ABCB5: variants seen among roughly 807,000 people sequenced by gnomAD.
ABCB5 encodes the protein ATP-binding cassette sub-family B member 5.
In ABCB5, 155 loss-of-function variants were observed where a neutral mutation model predicts 144.2. The ratio of observed to expected loss-of-function variants is 1.08; its 90% CI spans 0.94 to 1.23. The LOEUF is 1.23. Ranked by LOEUF, ABCB5 falls within the 50% of genes most tolerant of loss-of-function variation. The pLI is 0.00. For synonymous variants in ABCB5, 610 were observed against 528.6 expected, an observed-to-expected ratio of 1.15 and a Z score of -2.11; for missense variants, 1,830 against 1,520.8, an observed-to-expected ratio of 1.20 and a Z score of -3.38.
intron 16 of ABCB5, among the ~76,000 whole-genome samples, chr7:20,695,322 T>A (rs953910118): frequency 6.6e-6 from 1 of 151,360 alleles, no homozygotes; most frequent in African/African-American, 2.4e-5. Flanking sequence ...AATTAACAAT[T>A]TTTTTTTTCA....
chr7:20,623,129 G>T, intron 1 of ABCB5, 136 bp from the exon 2 acceptor site: 1 of 588,034 alleles, frequency 1.7e-6, no homozygotes, highest in African/African-American at 1.9e-5. Flanking sequence ...AATTGGAGTG[G>T]GGGGCTGGGC....
chr7:20,681,082 T>C lies in ABCB5; in HGVS notation c.1708-423T>C, dbSNP rs377284169. Among the ~76,000 whole-genome samples the C allele has an allele frequency of 3.7e-3, 35 of 9,438 alleles. 2 individuals carry two copies. The highest frequency in any genetic ancestry group is 0.017 in the African/African-American group (34 of 2,034). 6.2% of individuals were successfully genotyped at this position (9,438 alleles called of 152,430 possible). ...TCTCTTTCTTTCTTTCTTTCTTTCT[T>C]TCTTTCTTTCTTTCTTTCTTTCTTT... On this transcript the variant is annotated intron_variant, in intron 14 of 27. Transcript: ENST00000404938.
At position 20,699,953 on chromosome 7, in the gene ABCB5, G is replaced by A. The variant is rs190253667; in HGVS notation, c.2259+24G>A. The A allele has an allele frequency of 2.0e-4, 316 of 1,600,764 alleles. 1 individual carries two copies. In the Middle Eastern group the frequency reaches 2.0e-3, roughly 10 times the overall value. ...AGGTAAGCTTTTAATAAACAAGCCTGAGCATGATTACTTTTTGTTGCCATT... is the reference window on the plus strand; with the variant it reads ...AGGTAAGCTTTTAATAAACAAGCCTAAGCATGATTACTTTTTGTTGCCATT... On this transcript the variant is annotated intron_variant, in intron 18 of 27. Coordinates refer to ENST00000404938, the MANE Select transcript of ABCB5 (RefSeq NM_001163941.2).
intron 5 of ABCB5, among the ~76,000 whole-genome samples, chr7:20,633,927 T>G (rs1464038320): frequency 1.3e-5 from 2 of 152,078 alleles, no homozygotes; most frequent in South Asian, 4.1e-4. Context: ...ATGGATATAT[T>G]GCATAGTGGT....
intron 20 of ABCB5, among the ~76,000 whole-genome samples, chr7:20,705,114 T>C (rs1478649600): frequency 6.6e-6 from 1 of 152,158 alleles, no homozygotes; most frequent in Admixed American, 6.6e-5. Flanking sequence ...TAAGGAAAAG[T>C]AACGAAATGA....
chr7:20,703,501 A>T (rs1488619452), intron 19 of ABCB5, among the ~76,000 whole-genome samples: 1 of 152,322 alleles, frequency 6.6e-6, no homozygotes, highest in African/African-American at 2.4e-5. Context: ...CCTCCATAAA[A>T]GTTTTCATCT....
chr7:20,617,511 T>G lies in ABCB5; in HGVS notation c.-22+1674T>G, dbSNP rs564047342. Among the ~76,000 whole-genome samples, 17 of 152,324 alleles carry G rather than the reference T, an allele frequency of 1.1e-4. No individual in the cohort carries two copies. The East Asian group carries it at 2.5e-3, about 22-fold the overall frequency. The stretch of plus-strand genomic sequence containing the variant: ...AATCTTGGATTTAGGAAGATAAAAT[T>G]TCCTCTAGATAAGTAGTGCCTTCTG... On this transcript the variant is annotated intron_variant, in intron 1 of 27. Transcript: ENST00000404938.
chr7:20,617,726 A>G (rs1562523565), intron 1 of ABCB5, among the ~76,000 whole-genome samples: 1 of 152,222 alleles, frequency 6.6e-6, no homozygotes, highest in Admixed American at 6.5e-5. Context: ...TAAGAGAATC[A>G]TTTTAGATCT....
intron 5 of ABCB5, among the ~76,000 whole-genome samples, chr7:20,637,067 C>A (rs1407045833): frequency 1.3e-5 from 2 of 152,040 alleles, no homozygotes; most frequent in Non-Finnish European, 2.9e-5. Flanking sequence ...GATTGTGGAA[C>A]ATAATTTATT....
intron 14 of ABCB5, among the ~76,000 whole-genome samples, chr7:20,670,423 T>C (rs1469774485): frequency 1.3e-5 from 2 of 151,080 alleles, no homozygotes; most frequent in African/African-American, 4.9e-5. Flanking sequence ...CACTACACCA[T>C]GGAGCACATG....
chr7:20,707,764 C>G (rs964925029), intron 20 of ABCB5, among the ~76,000 whole-genome samples: 1 of 147,758 alleles, frequency 6.8e-6, no homozygotes, highest in Non-Finnish European at 1.5e-5. Context: ...CTAGTTAGAA[C>G]TAAGATATTA....
chr7:20,620,644 T>C (rs750504543), intron 1 of ABCB5, among the ~76,000 whole-genome samples: 1 of 152,010 alleles, frequency 6.6e-6, no homozygotes, highest in African/African-American at 2.4e-5. Context: ...TATGAGATAC[T>C]CAACATCACT....
intron 25 of ABCB5, among the ~76,000 whole-genome samples, chr7:20,743,447 C>T (rs1045254610): frequency 2.0e-5 from 3 of 152,134 alleles, no homozygotes; most frequent in Non-Finnish European, 4.4e-5. Flanking sequence ...TTAGTTCAGG[C>T]TTCTGCTTTC....
At chr7:20,657,883 G>A (rs1218452958) in intron 13 of ABCB5, among the ~76,000 whole-genome samples, 2 of 152,182 alleles carry the variant, frequency 1.3e-5, no homozygotes, top group Non-Finnish European at 2.9e-5. Context: ...AATCAGGGAC[G>A]TAACCCAGTA....
At chr7:20,647,870 C>A in intron 10 of ABCB5, 98 bp from the exon 11 acceptor site, 1 of 1,089,104 alleles carries the variant, frequency 9.2e-7, no homozygotes, top group Non-Finnish European at 1.3e-6. Context: ...AGAAAGGAAA[C>A]TGTCATGGAA....
chr7:20,736,189 G>C (rs559176863), intron 23 of ABCB5, among the ~76,000 whole-genome samples: 1 of 152,212 alleles, frequency 6.6e-6, no homozygotes, highest in East Asian at 1.9e-4. Context: ...CTACAGAAGT[G>C]TGAGAGCTTT....
intron 14 of ABCB5, among the ~76,000 whole-genome samples, chr7:20,666,544 T>A (rs984114464): frequency 1.3e-5 from 2 of 152,220 alleles, no homozygotes; most frequent in African/African-American, 4.8e-5. Context: ...TAAAGCACCC[T>A]CTTTTTCAAA....
chr7:20,633,389 TC>T (rs964364519), intron 5 of ABCB5, among the ~76,000 whole-genome samples: 1 of 151,902 alleles, frequency 6.6e-6, no homozygotes, highest in Non-Finnish European at 1.5e-5. Flanking sequence ...CCTATTCTTT[TC>T]CCCCCAAAAT....
At position 20,755,534 on chromosome 7, in the gene ABCB5, T is replaced by C. The variant is rs774493566; in HGVS notation, c.3684T>C (p.Asn1228=). ...QNADLIVVLH[N]GKIKEQGTHQ... Reference sequence around the variant, plus strand: ...CAGATTTGATAGTGGTTCTGCACAATGGAAAGATAAAGGAACAAGGAACTC... The same window carrying C: ...CAGATTTGATAGTGGTTCTGCACAACGGAAAGATAAAGGAACAAGGAACTC... Residue 1228 remains asparagine (N), a synonymous_variant, in exon 28 of 28, where the codon AAT becomes AAC. Transcript: ENST00000404938. The C allele has an allele frequency of 1.9e-6, 3 of 1,614,044 alleles. No homozygotes were observed. In the African/African-American group the frequency reaches 4.0e-5, roughly 22 times the overall value.
Sources: allele counts gnomAD v4.1 joint callset (sites outside exome capture counted in the v4.1 genomes callset), GRCh38; gene constraint gnomAD v4.1.1; transcripts MANE v1.5; gene names NCBI Gene and HGNC (gene_info 2026-07-23, HGNC 2026-07-21).